The following ACAN variants were observed in gnomAD, a reference collection of about 807,000 sequenced individuals.
ACAN encodes the protein aggrecan core protein.
A neutral mutation model predicts 169.1 loss-of-function variants in ACAN; 47 were observed. The ratio of observed to expected loss-of-function variants is 0.28; its 90% CI spans 0.22 to 0.35. ACAN has a LOEUF of 0.35. Among genes scored for constraint, ACAN ranks in the 10% least tolerant of loss-of-function variants. The pLI is 1.00. For synonymous variants in ACAN, 1,115 were observed against 1,112.2 expected, an observed-to-expected ratio of 1.00 and a Z score of -0.05; for missense variants, 2,716 against 2,759.9, an observed-to-expected ratio of 0.98 and a Z score of 0.36.
intron 2 of ACAN, among the ~76,000 whole-genome samples, chr15:88,837,126 C>T (rs1896524566): frequency 6.6e-6 from 1 of 152,206 alleles, no homozygotes; most frequent in African/African-American, 2.4e-5. Context: ...GACACCATAC[C>T]CCTGGTGGGA....
At chr15:88,865,231 T>C (rs992662800) in intron 13 of ACAN, among the ~76,000 whole-genome samples, 2 of 152,108 alleles carry the variant, frequency 1.3e-5, no homozygotes, top group African/African-American at 4.8e-5. Context: ...CCCTGCTCAG[T>C]GATGATGAGT....
rs1233295673 is a variant in ACAN, at chr15:88,855,436, G to A, written c.2851G>A (p.Val951Ile). 6.2e-7 allele frequency: 1 copy of A among 1,613,474 alleles called. No individual in the cohort carries two copies. Among genetic ancestry groups the A allele is most frequent in the African/African-American group, 1.3e-5 (1 of 75,018 alleles). The change falls in exon 12 of 19, where the codon GTT becomes ATT. Residue 951 changes from valine to isoleucine, a missense_variant. Val to Ile is a conservative substitution (Grantham distance 29). This residue lies in a region of ACAN where 1,283 missense variants were observed against 1,281.5 expected (regional missense o/e 1.00). Coordinates refer to ENST00000560601, the MANE Select transcript of ACAN (RefSeq NM_001369268.1). ...GATCCTAGAGGGCTCTGCCTCTGGAGTTGGGGATCTCAGTGGACTTCCTTC... is the reference window on the plus strand; with the variant it reads ...GATCCTAGAGGGCTCTGCCTCTGGAATTGGGGATCTCAGTGGACTTCCTTC... ...AEILEGSASG[V>I]GDLSGLPSGE...
At position 88,873,640 on chromosome 15, in the gene ACAN, A is replaced by G. The variant is rs145621405; in HGVS notation, c.7448-202A>G. Reference sequence around the variant, plus strand: ...TCCCTTTAAAGACCACCCCGTTTGTATTCCCTTCCTGCTGTTCTAAATTGT... The same window carrying G: ...TCCCTTTAAAGACCACCCCGTTTGTGTTCCCTTCCTGCTGTTCTAAATTGT... On this transcript the variant is annotated intron_variant, in intron 17 of 18. Coordinates refer to ENST00000560601, the MANE Select transcript of ACAN (RefSeq NM_001369268.1). The surrounding 1 kb of genome is among the most constrained non-coding windows in gnomAD (Gnocchi z 7.5). 3.4e-6 allele frequency: 2 copies of G among 593,628 alleles called. No individual in the cohort carries two copies. The highest frequency in any genetic ancestry group is 5.6e-5 in the East Asian group (2 of 35,806). The allele number at this position is 593,628 out of a possible 1,614,324, so 36.8% of individuals were successfully genotyped here. A position where few individuals can be genotyped will look rare whatever the true frequency, so the allele number is the denominator to read the frequency against.
At position 88,843,685 on chromosome 15, in the gene ACAN, CACTAAAATGGGGT is replaced by C. The variant is rs756507885; in HGVS notation, c.1051+38_1051+50del. Reference sequence around the variant, plus strand: ...CTGGTGGTGGGAAGGGAGTTCATGCCACTAAAATGGGGTCCTAGAGGGAAGAGGGGATCTTGGA... The same window carrying C: ...CTGGTGGTGGGAAGGGAGTTCATGCCCCTAGAGGGAAGAGGGGATCTTGGA... On this transcript the variant is annotated intron_variant, in intron 6 of 18. Coordinates refer to ENST00000560601, the MANE Select transcript of ACAN (RefSeq NM_001369268.1). The surrounding 1 kb of genome is among the most constrained non-coding windows in gnomAD (Gnocchi z 4.0). The C allele has an allele frequency of 6.5e-7, 1 of 1,535,416 alleles. No homozygotes were observed. Among genetic ancestry groups the C allele is most frequent in the Non-Finnish European group, 8.8e-7 (1 of 1,135,118 alleles).
chr15:88,852,581 A>G (rs1044416248), intron 11 of ACAN, among the ~76,000 whole-genome samples: 2 of 152,222 alleles, frequency 1.3e-5, no homozygotes, highest in South Asian at 2.1e-4. Flanking sequence ...AGCAGTCCCT[A>G]AACCTTGTTG....
chr15:88,860,188 A>C, intron 12 of ACAN, 138 bp from the exon 13 acceptor site: 2 of 498,266 alleles, frequency 4.0e-6, no homozygotes, highest in Admixed American at 3.3e-5. Context: ...CAGGAGGGAC[A>C]GAGGCCTCAG....
intron 1 of ACAN, among the ~76,000 whole-genome samples, chr15:88,809,529 A>G (rs1315741036): frequency 6.6e-6 from 1 of 152,230 alleles, no homozygotes; most frequent in Non-Finnish European, 1.5e-5. Context: ...GGCCAGGCAC[A>G]TACAACAGAC....
At position 88,849,950 on chromosome 15, in the gene ACAN, G is replaced by A; in HGVS notation, c.2026+219G>A. ...CCCAGAGACAAGTAGAGATAAATAA[G>A]AACTTGAGCTGGTATTTATGTCTAC... On this transcript the variant is annotated intron_variant, in intron 10 of 18. Transcript: ENST00000560601. The surrounding 1 kb of genome is among the most constrained non-coding windows in gnomAD (Gnocchi z 5.1). The A allele has an allele frequency of 2.9e-6, 2 of 688,880 alleles. No homozygotes were observed. Among genetic ancestry groups the A allele is most frequent in the Non-Finnish European group, 2.6e-6 (1 of 389,416 alleles). 42.7% of individuals were successfully genotyped at this position (688,880 alleles called of 1,614,324 possible).
chr15:88,836,122 C>T (rs900472718), intron 1 of ACAN, 78 bp from the exon 2 acceptor site: 9 of 1,000,132 alleles, frequency 9.0e-6, no homozygotes, highest in African/African-American at 1.6e-5. Context: ...TATCACTTTG[C>T]ATCATATGTC....
intron 1 of ACAN, 55 bp from the exon 2 acceptor site, chr15:88,836,145 T>C (rs1173752124): frequency 7.7e-7 from 1 of 1,306,540 alleles, no homozygotes; most frequent in African/African-American, 1.5e-5. Flanking sequence ...ATGACTCTGC[T>C]TGACCTCACC....
chr15:88,835,993 G>A (rs117734130), intron 1 of ACAN, among the ~76,000 whole-genome samples: 68 of 152,310 alleles, frequency 4.5e-4, no homozygotes, highest in South Asian at 1.5e-3. Context: ...CCTAATGCCC[G>A]GAATTAAACT....
intron 2 of ACAN, among the ~76,000 whole-genome samples, chr15:88,837,426 T>C (rs1166130866): frequency 6.6e-6 from 1 of 152,216 alleles, no homozygotes; most frequent in East Asian, 1.9e-4. Context: ...AACAATCTGT[T>C]GGCCTGATTT....
At chr15:88,828,402 G>A (rs908041191) in intron 1 of ACAN, among the ~76,000 whole-genome samples, 8 of 151,868 alleles carry the variant, frequency 5.3e-5, no homozygotes, top group African/African-American at 1.5e-4. Flanking sequence ...TTCTTTTCTC[G>A]CAGCTCCACT....
chr15:88,863,150 T>TA (rs1485005989), intron 13 of ACAN, among the ~76,000 whole-genome samples: 1 of 152,036 alleles, frequency 6.6e-6, no homozygotes, highest in South Asian at 2.1e-4. Flanking sequence ...ATTTAGTCCT[T>TA]AAAAAAAATT....
intron 1 of ACAN, among the ~76,000 whole-genome samples, chr15:88,835,992 C>T (rs1409409449): frequency 2.6e-5 from 4 of 152,110 alleles, no homozygotes; most frequent in African/African-American, 7.2e-5. Context: ...GCCTAATGCC[C>T]GGAATTAAAC....
chr15:88,840,978 A>G (rs963251582), intron 4 of ACAN, among the ~76,000 whole-genome samples: 5 of 151,930 alleles, frequency 3.3e-5, no homozygotes, highest in East Asian at 1.9e-4. Flanking sequence ...CCCCATCTCT[A>G]CTAAAAAATA....
rs185076201 is a variant in ACAN at position 88,807,554 on chromosome 15, G to C, written c.-8+3745G>C. On this transcript the variant is annotated intron_variant, in intron 1 of 18. Coordinates refer to ENST00000560601, the MANE Select transcript of ACAN (RefSeq NM_001369268.1). This position sits in a 1 kb window ranked among gnomAD's most constrained non-coding sequence, Gnocchi z 4.0. ...GGGCCCCTGGACGCAGTTGAAGAAG[G>C]GCCACTGGGAGGCCGGCAGAACAAG... 6.6e-6 allele frequency among the ~76,000 whole-genome samples: 1 copy of C among 152,320 alleles called. No homozygotes were observed. The highest frequency in any genetic ancestry group is 2.4e-5 in the African/African-American group (1 of 41,564).
rs761774197 is a variant in ACAN, at chr15:88,858,311, C to G, written c.5726C>G (p.Ser1909Cys). ...ATAGCTGAGGTCAGTGGAGAATCCT[C>G]CAGAGCTGAGATTGGGAGCAGCCTG... Reference protein sequence around the residue: ...SGIAEVSGESSRAEIGSSLPS... With the variant: ...SGIAEVSGESCRAEIGSSLPS... Residue 1909 changes from serine to cysteine, a missense_variant, in exon 12 of 19, where the codon TCC becomes TGC. Physicochemically the swap from Ser to Cys is moderately radical, Grantham distance 112. This residue lies in a region of ACAN where 1,389 missense variants were observed against 1,363.7 expected (regional missense o/e 1.02). Transcript: ENST00000560601. This position sits in a 1 kb window ranked among gnomAD's most constrained non-coding sequence, Gnocchi z 4.0. The G allele has an allele frequency of 1.3e-4, 208 of 1,613,840 alleles. No homozygotes were observed. The highest frequency in any genetic ancestry group is 1.7e-4 in the Non-Finnish European group (204 of 1,179,894).
intron 1 of ACAN, among the ~76,000 whole-genome samples, chr15:88,833,767 T>G (rs1896427098): frequency 7.7e-6 from 1 of 129,772 alleles, no homozygotes; most frequent in South Asian, 2.6e-4. Flanking sequence ...TCCTTCCCAT[T>G]TCCTGGTTTA....
Sources: allele counts gnomAD v4.1 joint callset (sites outside exome capture counted in the v4.1 genomes callset), GRCh38; gene constraint gnomAD v4.1.1; regional missense constraint gnomAD v4.1.1; non-coding constraint Gnocchi (gnomAD v3.1); transcripts MANE v1.5; gene names NCBI Gene and HGNC (gene_info 2026-07-23, HGNC 2026-07-21).